Variants in AOAH observed in about 807,000 individuals in gnomAD.
AOAH encodes the protein acyloxyacyl hydrolase (neutrophil).
AOAH carries 64 observed loss-of-function variants against 92.2 expected under a neutral mutation model. The observed-to-expected ratio is 0.69, with a 90% CI of 0.57 to 0.86. The LOEUF (loss-of-function observed/expected upper bound fraction) is 0.86, where lower values mean the gene tolerates loss of function less well. Ranked by LOEUF, AOAH falls within the 40% of genes least tolerant of loss-of-function variation. AOAH has a pLI of 0.00. For synonymous variants in AOAH, 263 were observed against 254.5 expected (o/e 1.03, Z -0.32); for missense variants, 656 against 694.6 (o/e 0.94, Z 0.62).
At chr7:36,588,769 C>T (rs1789535996) in intron 12 of AOAH, among the ~76,000 whole-genome samples, 1 of 152,148 alleles carries the variant, frequency 6.6e-6, no homozygotes, top group Non-Finnish European at 1.5e-5. Context: ...TCTAGGACAC[C>T]TCTCACTAAA....
intron 14 of AOAH, among the ~76,000 whole-genome samples, chr7:36,549,039 G>A (rs935560142): frequency 6.6e-6 from 1 of 152,182 alleles, no homozygotes; most frequent in Non-Finnish European, 1.5e-5. Context: ...ATGTTCTTAG[G>A]ATAACCTGGC....
intron 2 of AOAH, among the ~76,000 whole-genome samples, chr7:36,678,940 A>G (rs1341056781): frequency 6.6e-6 from 1 of 152,228 alleles, no homozygotes; most frequent in Non-Finnish European, 1.5e-5. Context: ...GCTAAAGTAA[A>G]AATTATACTG....
At position 36,516,585 on chromosome 7, in the gene AOAH, G is replaced by A. The variant is rs1783730664; in HGVS notation, c.1600-3205C>T. On this transcript the variant is annotated intron_variant, in intron 20 of 20. Transcript: ENST00000617537. This position sits in a 1 kb window ranked among gnomAD's most constrained non-coding sequence, Gnocchi z 5.0. ...CTGCGAAGCTGGCCAGTGCTCCAGG[G>A]AGGGCCGGATCATCTCTCACACAAA... 6.6e-6 allele frequency among the ~76,000 whole-genome samples: 1 copy of A among 152,212 alleles called. No homozygotes were observed. Among genetic ancestry groups the A allele is most frequent in the Non-Finnish European group, 1.5e-5 (1 of 68,042 alleles).
chr7:36,659,666 G>A (rs1795090694), intron 3 of AOAH, among the ~76,000 whole-genome samples: 1 of 151,942 alleles, frequency 6.6e-6, no homozygotes. Context: ...AATCATTTAC[G>A]ATATAGCCTT....
chr7:36,574,927 C>T (rs1235575239), intron 13 of AOAH, among the ~76,000 whole-genome samples: 4 of 151,458 alleles, frequency 2.6e-5, no homozygotes, highest in Admixed American at 6.6e-5. Context: ...ATTTTTCTTT[C>T]GGCAGTGTTT....
chr7:36,665,511 T>C (rs1423497130), intron 3 of AOAH, among the ~76,000 whole-genome samples: 2 of 152,160 alleles, frequency 1.3e-5, no homozygotes, highest in African/African-American at 2.4e-5. Context: ...TTTATTTCTT[T>C]CTTCTCAACC....
At chr7:36,514,480 T>C in intron 20 of AOAH, 1 of 1,535,292 alleles carries the variant, frequency 6.5e-7, no homozygotes, top group Admixed American at 2.0e-5. Context: ...ACTCTCTGGT[T>C]CTGCTGTCGC....
At position 36,562,979 on chromosome 7, in the gene AOAH, T is replaced by C. The variant is rs552071409; in HGVS notation, c.1022-13504A>G. 3.3e-5 allele frequency among the ~76,000 whole-genome samples: 5 copies of C among 151,406 alleles called. No homozygotes were observed. The South Asian group carries it at 1.0e-3, about 32-fold the overall frequency. Reference sequence around the variant, plus strand: ...CTGGCCAACATGGTGAAACCCCATCTCTACTAAAAATACAAAAATTAGCCA... The same window carrying C: ...CTGGCCAACATGGTGAAACCCCATCCCTACTAAAAATACAAAAATTAGCCA... On this transcript the variant is annotated intron_variant, in intron 13 of 20. Transcript: ENST00000617537.
chr7:36,569,721 C>T (rs1787996779), intron 13 of AOAH, among the ~76,000 whole-genome samples: 1 of 151,998 alleles, frequency 6.6e-6, no homozygotes, highest in African/African-American at 2.4e-5. Context: ...AGTGATTCTC[C>T]TGCCTCAGCC....
intron 20 of AOAH, among the ~76,000 whole-genome samples, chr7:36,515,567 ACC>A (rs144256870): frequency 1.9e-4 from 10 of 52,138 alleles, no homozygotes; most frequent in African/African-American, 8.0e-4. Context: ...ACATAATCAC[ACC>A]CCCCCCACAC....
chr7:36,552,961 T>C lies in AOAH; in HGVS notation c.1022-3486A>G, dbSNP rs555925017. Among the ~76,000 whole-genome samples the C allele has an allele frequency of 5.9e-5, 9 of 152,246 alleles. No individual in the cohort carries two copies. In the East Asian group the frequency reaches 1.5e-3, roughly 26 times the overall value. ...GTGTATATGCACCACATTTTCTTTTTTTTTTTCTTTTTTTATTATTATTAT... is the reference window on the plus strand; with the variant it reads ...GTGTATATGCACCACATTTTCTTTTCTTTTTTCTTTTTTTATTATTATTAT... On this transcript the variant is annotated intron_variant, in intron 13 of 20. Coordinates refer to ENST00000617537, the MANE Select transcript of AOAH (RefSeq NM_001637.4).
chr7:36,618,293 A>G lies in AOAH; in HGVS notation c.751+4T>C, dbSNP rs1464989651. 16 of 1,612,888 alleles carry G rather than the reference A, an allele frequency of 9.9e-6. No homozygotes were observed. Among genetic ancestry groups the G allele is most frequent in the Non-Finnish European group, 1.3e-5 (15 of 1,179,026 alleles). On this transcript the variant is annotated splice_donor_region_variant and intron_variant, in intron 10 of 20. Transcript: ENST00000617537. ...ATAACCACAATGACATCCACAATTC[A>G]TACCTTCACAGAATTTCTTCTCATA... is the stretch of plus-strand genomic sequence containing the variant.
intron 1 of AOAH, among the ~76,000 whole-genome samples, chr7:36,706,205 A>G (rs1350538966): frequency 6.6e-6 from 1 of 152,102 alleles, no homozygotes; most frequent in Non-Finnish European, 1.5e-5. Flanking sequence ...AGTCAAAATG[A>G]CTTCTTGATT....
chr7:36,581,084 G>C (rs1219777610), intron 12 of AOAH, among the ~76,000 whole-genome samples: 1 of 152,140 alleles, frequency 6.6e-6, no homozygotes, highest in Non-Finnish European at 1.5e-5. Flanking sequence ...GAGTTGGAAG[G>C]GGTCTGAGGA....
At chr7:36,608,905 C>CGG (rs374889301) in intron 11 of AOAH, among the ~76,000 whole-genome samples, 3 of 8,150 alleles carry the variant, frequency 3.7e-4, no homozygotes, top group South Asian at 3.2e-3. Context: ...GCTGTTGCGG[C>CGG]GGGGAGGGGG....
In AOAH at chr7:36,549,005, C is replaced by T. The variant is rs143252124; in HGVS notation, c.1059-319G>A. Among the ~76,000 whole-genome samples, 829 of 152,278 alleles carry T rather than the reference C, an allele frequency of 5.4e-3. 7 individuals carry two copies. Among genetic ancestry groups the T allele is most frequent in the Middle Eastern group, 0.041 (12 of 294 alleles). ...CAGCAATTGCATCAATAAGCACAGG[C>T]GAGTTATTGGGTTCCTTATGTCCAT... On this transcript the variant is annotated intron_variant, in intron 14 of 20. Transcript: ENST00000617537.
At chr7:36,714,607 C>T (rs1799002699) in intron 1 of AOAH, among the ~76,000 whole-genome samples, 2 of 152,186 alleles carry the variant, frequency 1.3e-5, no homozygotes, top group Non-Finnish European at 2.9e-5. Flanking sequence ...AATCCAGCCT[C>T]ACATCAAAAA....
At position 36,548,693 on chromosome 7, in the gene AOAH, AGGCATAGAT is replaced by A; in HGVS notation, c.1059-16_1059-8del. On this transcript the variant is annotated splice_polypyrimidine_tract_variant and splice_region_variant and intron_variant, in intron 14 of 20. Transcript: ENST00000617537. ...CACCTTGTTTCTAGACAAGCTGAGAAGGCATAGATGGAATCTGAATGTCAGATACTTGGA... is the reference window on the plus strand; with the variant it reads ...CACCTTGTTTCTAGACAAGCTGAGAAGGAATCTGAATGTCAGATACTTGGA... 6.2e-7 allele frequency: 1 copy of A among 1,611,846 alleles called. No homozygotes were observed. Among genetic ancestry groups the A allele is most frequent in the Non-Finnish European group, 8.5e-7 (1 of 1,178,076 alleles).
chr7:36,593,398 C>T (rs190676971), intron 12 of AOAH, among the ~76,000 whole-genome samples: 169 of 152,320 alleles, frequency 1.1e-3, no homozygotes, highest in African/African-American at 4.0e-3. Context: ...TGGGGGCATT[C>T]CTGTTCCTTA....
Sources: allele counts gnomAD v4.1 joint callset (sites outside exome capture counted in the v4.1 genomes callset), GRCh38; gene constraint gnomAD v4.1.1; non-coding constraint Gnocchi (gnomAD v3.1); transcripts MANE v1.5; gene names NCBI Gene and HGNC (gene_info 2026-07-23, HGNC 2026-07-21).